The following LRP1B variants were observed in gnomAD, a reference collection of about 807,000 sequenced individuals.
LRP1B encodes the protein LDL receptor related protein 1B, also known as low-density lipoprotein receptor-related protein 1B.
LRP1B carries 217 observed loss-of-function variants against 556.6 expected under a neutral mutation model. The ratio of observed to expected loss-of-function variants is 0.39; its 90% CI spans 0.35 to 0.44. The LOEUF (loss-of-function observed/expected upper bound fraction) is 0.44, where lower values mean the gene tolerates loss of function less well. LRP1B is among the 20% of genes least tolerant of loss of function. The pLI, the probability that LRP1B is intolerant of heterozygous loss-of-function variation, is 1.00. For missense variants in LRP1B, 5,053 were observed against 5,620.8 expected, an observed-to-expected ratio of 0.90 and a Z score of 3.23; for synonymous variants, 2,047 against 1,865.8, an observed-to-expected ratio of 1.10 and a Z score of -2.50.
chr2:141,533,920 A>G (rs1342187674), intron 2 of LRP1B, among the ~76,000 whole-genome samples: 7 of 152,112 alleles, frequency 4.6e-5, no homozygotes, highest in Admixed American at 2.0e-4. Context: ...GTATGTAAAT[A>G]TTTTTCTTCC....
intron 71 of LRP1B, among the ~76,000 whole-genome samples, chr2:140,368,609 C>G (rs1461658704): frequency 1.3e-5 from 2 of 151,796 alleles, no homozygotes; most frequent in Non-Finnish European, 2.9e-5. Flanking sequence ...GAATTTTTGT[C>G]TTTTAAAGTA....
At position 140,457,669 on chromosome 2, in the gene LRP1B, A is replaced by G; in HGVS notation, c.9626-18T>C. 1 of 1,596,382 alleles carries G rather than the reference A, an allele frequency of 6.3e-7. No individual in the cohort carries two copies. The highest frequency in any genetic ancestry group is 2.2e-5 in the East Asian group (1 of 44,696). On this transcript the variant is annotated intron_variant, in intron 60 of 90. Transcript: ENST00000389484. ...ATTAGGGACTGTAATAGGAGATGGT[A>G]AGATTAATGTTCAGTCTTGGAAGAC...
intron 7 of LRP1B, among the ~76,000 whole-genome samples, chr2:141,082,328 C>T (rs1699944187): frequency 7.0e-6 from 1 of 142,802 alleles, no homozygotes; most frequent in Non-Finnish European, 1.5e-5. Flanking sequence ...TAAGGTAATG[C>T]ATTTAGGGAA....
intron 68 of LRP1B, among the ~76,000 whole-genome samples, chr2:140,377,299 C>A (rs1242457726): frequency 6.6e-6 from 1 of 151,954 alleles, no homozygotes; most frequent in African/African-American, 2.4e-5. Context: ...ATGGTCTTGT[C>A]CTCCTGACCT....
At position 140,239,040 on chromosome 2, in the gene LRP1B, T is replaced by G. The variant is rs140955211; in HGVS notation, c.13415+402A>C. Among the ~76,000 whole-genome samples, 43 of 151,034 alleles carry G rather than the reference T, an allele frequency of 2.8e-4. No homozygotes were observed. The East Asian group carries it at 8.2e-3, about 29-fold the overall frequency. On this transcript the variant is annotated intron_variant, in intron 88 of 90. Coordinates refer to ENST00000389484, the MANE Select transcript of LRP1B (RefSeq NM_018557.3). The stretch of plus-strand genomic sequence containing the variant: ...TATAAGTGAATCAATGCACTATTTG[T>G]GAAAGAAATGTACAAATTGGAGATG...
intron 2 of LRP1B, among the ~76,000 whole-genome samples, chr2:141,541,575 G>A (rs546409680): frequency 1.1e-4 from 17 of 152,066 alleles, no homozygotes; most frequent in Non-Finnish European, 2.4e-4. Flanking sequence ...TACAGATTGA[G>A]CACAATCCTT....
intron 3 of LRP1B, among the ~76,000 whole-genome samples, chr2:141,255,230 T>C (rs1684415898): frequency 6.6e-6 from 1 of 152,008 alleles, no homozygotes. Flanking sequence ...GAAATAGAGA[T>C]GAAGTGACAG....
chr2:142,126,678 C>T (rs138515187), intron 1 of LRP1B, among the ~76,000 whole-genome samples: 85 of 151,872 alleles, frequency 5.6e-4, no homozygotes, highest in African/African-American at 1.5e-3. Context: ...CTTTTTACTA[C>T]ACAGAATTCC....
intron 1 of LRP1B, among the ~76,000 whole-genome samples, chr2:141,991,545 GTAAC>G (rs1480723398): frequency 6.6e-6 from 1 of 151,878 alleles, no homozygotes; most frequent in Non-Finnish European, 1.5e-5. Context: ...ACATATATAA[GTAAC>G]TATTTTACAT....
intron 7 of LRP1B, among the ~76,000 whole-genome samples, chr2:141,183,126 G>T (rs1433337942): frequency 6.6e-6 from 1 of 152,002 alleles, no homozygotes; most frequent in Non-Finnish European, 1.5e-5. Context: ...TCCAAACATA[G>T]TCTGAGGCAT....
chr2:141,716,980 G>A (rs1326771094), intron 2 of LRP1B, among the ~76,000 whole-genome samples: 6 of 151,510 alleles, frequency 4.0e-5, no homozygotes, highest in East Asian at 1.9e-4. Context: ...GGGGGGGGTC[G>A]CAATTCAGAG....
At chr2:141,315,732 A>G (rs1687005223) in intron 3 of LRP1B, among the ~76,000 whole-genome samples, 1 of 151,922 alleles carries the variant, frequency 6.6e-6, no homozygotes, top group African/African-American at 2.4e-5. Flanking sequence ...TCTGATCAGA[A>G]GCTGAGTTCA....
chr2:141,233,807 A>G (rs1238061047), intron 5 of LRP1B, among the ~76,000 whole-genome samples: 1 of 152,072 alleles, frequency 6.6e-6, no homozygotes, highest in Non-Finnish European at 1.5e-5. Flanking sequence ...TAAGTGATTG[A>G]AGTAATGAAT....
At chr2:140,621,153 A>G (rs1683435601) in intron 41 of LRP1B, among the ~76,000 whole-genome samples, 1 of 151,772 alleles carries the variant, frequency 6.6e-6, no homozygotes, top group Non-Finnish European at 1.5e-5. Flanking sequence ...AGGCCGAGGC[A>G]GGTGGATCAT....
At chr2:141,651,246 A>G (rs571605555) in intron 2 of LRP1B, among the ~76,000 whole-genome samples, 1 of 152,318 alleles carries the variant, frequency 6.6e-6, no homozygotes, top group Admixed American at 6.5e-5. Context: ...AGGTTTATAT[A>G]TATCTATAAA....
intron 3 of LRP1B, among the ~76,000 whole-genome samples, chr2:141,266,924 G>C (rs1684911588): frequency 6.6e-6 from 1 of 152,088 alleles, no homozygotes; most frequent in African/African-American, 2.4e-5. Flanking sequence ...ATTGTATGAG[G>C]AAAAATGTTT....
intron 43 of LRP1B, among the ~76,000 whole-genome samples, chr2:140,569,951 A>G (rs1031092274): frequency 1.3e-5 from 2 of 151,958 alleles, no homozygotes; most frequent in Non-Finnish European, 3.0e-5. Context: ...TTAATAAAAA[A>G]ATTAAGAAGG....
intron 82 of LRP1B, among the ~76,000 whole-genome samples, chr2:140,316,956 G>C (rs1436282596): frequency 6.6e-6 from 1 of 152,056 alleles, no homozygotes; most frequent in African/African-American, 2.4e-5. Context: ...AAGTAAGCAA[G>C]TAGCATTCTT....
intron 86 of LRP1B, among the ~76,000 whole-genome samples, chr2:140,247,667 A>G (rs1197637655): frequency 6.6e-6 from 1 of 151,668 alleles, no homozygotes. Flanking sequence ...CAAAATACAG[A>G]GCTTTCCCAT....
Sources: gnomAD v4.1 joint callset for allele counts (sites outside exome capture counted in the v4.1 genomes callset) on GRCh38, gnomAD v4.1.1 for gene constraint, MANE v1.5 for transcripts, NCBI Gene and HGNC (gene_info 2026-07-23, HGNC 2026-07-21) for gene names.